The following DOK6 variants were observed in gnomAD, a reference collection of about 807,000 sequenced individuals.
The protein encoded by DOK6 is downstream of tyrosine kinase 6.
A neutral mutation model predicts 44.0 loss-of-function variants in DOK6; 22 were observed. That is an observed-to-expected ratio of 0.50 (90% CI 0.36 to 0.71). The LOEUF (loss-of-function observed/expected upper bound fraction) is 0.71, where lower values mean the gene tolerates loss of function less well. Among genes scored for constraint, DOK6 ranks in the 30% least tolerant of loss-of-function variants. DOK6 has a pLI of 0.00. For synonymous variants in DOK6, 166 were observed against 145.5 expected (o/e 1.14, Z -1.01); for missense variants, 340 against 416.4 (o/e 0.82, Z 1.60).
intron 7 of DOK6, among the ~76,000 whole-genome samples, chr18:69,782,682 T>C (rs1015322609): frequency 1.3e-5 from 2 of 152,112 alleles, no homozygotes; most frequent in Non-Finnish European, 1.5e-5. Flanking sequence ...GAGAATCGCT[T>C]GAACCCAGGA....
chr18:69,798,738 AATT>A (rs946219176), intron 7 of DOK6, among the ~76,000 whole-genome samples: 6 of 151,380 alleles, frequency 4.0e-5, no homozygotes, highest in Admixed American at 6.6e-5. Context: ...GTTATTTTAA[AATT>A]ATTATTATTA....
Position 69,586,592 on chromosome 18 carries a change from C to T in DOK6, c.175-12792C>T, listed in dbSNP as rs145888558. ...GACCTCTTCTGCAGGTGGATGTCCC[C>T]GGACCCTACTGGCTAGTTTCCCAGT... On this transcript the variant is annotated intron_variant, in intron 2 of 7. Transcript: ENST00000382713. Among the ~76,000 whole-genome samples the T allele has an allele frequency of 1.6e-4, 25 of 152,330 alleles. No individual in the cohort carries two copies. The East Asian group carries it at 4.4e-3, about 27-fold the overall frequency.
chr18:69,586,255 A>G (rs1363855809), intron 2 of DOK6, among the ~76,000 whole-genome samples: 1 of 152,160 alleles, frequency 6.6e-6, no homozygotes, highest in Non-Finnish European at 1.5e-5. Flanking sequence ...GTTTATGATG[A>G]TAGACCACAG....
At chr18:69,570,613 T>G (rs1475694751) in intron 2 of DOK6, among the ~76,000 whole-genome samples, 1 of 152,082 alleles carries the variant, frequency 6.6e-6, no homozygotes, top group Non-Finnish European at 1.5e-5. Flanking sequence ...GCAGGATGTT[T>G]GGAAAAAGAA....
intron 1 of DOK6, among the ~76,000 whole-genome samples, chr18:69,523,833 TTAAAG>T (rs1412057277): frequency 1.3e-5 from 2 of 151,956 alleles, no homozygotes; most frequent in Non-Finnish European, 2.9e-5. Flanking sequence ...TCTCTTTTAC[TTAAAG>T]TAATGGTTAC....
rs575843731 is a variant in DOK6 at position 69,404,807 on chromosome 18, G to T, written c.66+3497G>T. Among the ~76,000 whole-genome samples the T allele has an allele frequency of 6.6e-5, 10 of 151,642 alleles. No individual in the cohort carries two copies. The South Asian group carries it at 2.1e-3, about 31-fold the overall frequency. On this transcript the variant is annotated intron_variant, in intron 1 of 7. Coordinates refer to ENST00000382713, the MANE Select transcript of DOK6 (RefSeq NM_152721.6). Reference sequence around the variant, plus strand: ...GGGTGGTGTGTGTGTGTGTGTGTGTGTGTGTGTATTCAGGTACACACTCAA... The same window carrying T: ...GGGTGGTGTGTGTGTGTGTGTGTGTTTGTGTGTATTCAGGTACACACTCAA...
At chr18:69,557,509 C>T (rs575762254) in intron 1 of DOK6, among the ~76,000 whole-genome samples, 8 of 152,124 alleles carry the variant, frequency 5.3e-5, no homozygotes, top group African/African-American at 1.7e-4. Context: ...GATTGCTATG[C>T]GGTAAAATGG....
Position 69,531,838 on chromosome 18 carries a change from C to T in DOK6, c.67-32649C>T, listed in dbSNP as rs546481851. On this transcript the variant is annotated intron_variant, in intron 1 of 7. Transcript: ENST00000382713. Reference sequence around the variant, plus strand: ...CATTTTCATGAAAATTTAAAAATGCCGAAGAGCCCTGTTATGGACTGAGTG... The same window carrying T: ...CATTTTCATGAAAATTTAAAAATGCTGAAGAGCCCTGTTATGGACTGAGTG... 7.9e-5 allele frequency among the ~76,000 whole-genome samples: 12 copies of T among 151,982 alleles called. No individual in the cohort carries two copies. In the South Asian group the frequency reaches 1.7e-3, roughly 21 times the overall value.
At position 69,612,562 on chromosome 18, in the gene DOK6, A is replaced by G. The variant is rs185385978; in HGVS notation, c.289+13064A>G. On this transcript the variant is annotated intron_variant, in intron 3 of 7. Transcript: ENST00000382713. ...AACACCTCACCCAACCGACTCCTACATTTCCTTCCATTTTCAGCGTAAGGT... is the reference window on the plus strand; with the variant it reads ...AACACCTCACCCAACCGACTCCTACGTTTCCTTCCATTTTCAGCGTAAGGT... Among the ~76,000 whole-genome samples the G allele has an allele frequency of 5.4e-3, 795 of 147,588 alleles. 3 individuals carry two copies. Among genetic ancestry groups the G allele is most frequent in the Non-Finnish European group, 9.4e-3 (626 of 66,652 alleles).
intron 7 of DOK6, among the ~76,000 whole-genome samples, chr18:69,763,330 A>G (rs541113371): frequency 2.2e-4 from 34 of 152,290 alleles, no homozygotes; most frequent in African/African-American, 8.2e-4. Context: ...TTTGTATTTG[A>G]AAGTAATTTC....
chr18:69,663,117 A>G (rs1029584668), intron 3 of DOK6: 2 of 152,220 alleles, frequency 1.3e-5, no homozygotes, highest in Non-Finnish European at 2.9e-5. Flanking sequence ...AACCTTAGGG[A>G]TATAGTTAAA....
At chr18:69,769,535 T>C (rs1282011533) in intron 7 of DOK6, among the ~76,000 whole-genome samples, 1 of 152,130 alleles carries the variant, frequency 6.6e-6, no homozygotes, top group Non-Finnish European at 1.5e-5. Context: ...TTAAAAATTG[T>C]CCAAACTTCT....
chr18:69,484,251 T>C (rs919984691), intron 1 of DOK6, among the ~76,000 whole-genome samples: 7 of 152,104 alleles, frequency 4.6e-5, no homozygotes, highest in Admixed American at 1.3e-4. Context: ...ATGTAATACG[T>C]ATATGTCTTT....
chr18:69,616,589 T>C (rs966951569), intron 3 of DOK6, among the ~76,000 whole-genome samples: 1 of 152,022 alleles, frequency 6.6e-6, no homozygotes, highest in Non-Finnish European at 1.5e-5. Flanking sequence ...GAAACTACTT[T>C]TTTAAAAACG....
intron 2 of DOK6, among the ~76,000 whole-genome samples, chr18:69,587,124 T>A (rs556439824): frequency 6.6e-6 from 1 of 152,302 alleles, no homozygotes; most frequent in East Asian, 1.9e-4. Context: ...CTTCTCATAA[T>A]CTGTGTCATT....
intron 7 of DOK6, among the ~76,000 whole-genome samples, chr18:69,818,852 C>T (rs1159991952): frequency 6.6e-6 from 1 of 152,170 alleles, no homozygotes; most frequent in Non-Finnish European, 1.5e-5. Context: ...AGTCATAGCC[C>T]TGGGATTTGG....
chr18:69,737,824 A>G (rs950796140), intron 5 of DOK6, among the ~76,000 whole-genome samples: 11 of 152,100 alleles, frequency 7.2e-5, no homozygotes, highest in African/African-American at 2.7e-4. Flanking sequence ...TGACATAACA[A>G]TTTGTGTCTT....
chr18:69,754,171 A>G (rs950681622), intron 6 of DOK6, among the ~76,000 whole-genome samples: 2 of 151,928 alleles, frequency 1.3e-5, no homozygotes, highest in African/African-American at 4.8e-5. Context: ...GTTTTAATTA[A>G]ATAGTTAAGG....
chr18:69,445,986 T>C (rs2122449634), intron 1 of DOK6, among the ~76,000 whole-genome samples: 1 of 152,292 alleles, frequency 6.6e-6, no homozygotes, highest in East Asian at 1.9e-4. Flanking sequence ...TTGAGTCCTC[T>C]CTTTTTTTCG....
Sources: gnomAD v4.1 joint callset for allele counts (sites outside exome capture counted in the v4.1 genomes callset) on GRCh38, gnomAD v4.1.1 for gene constraint, MANE v1.5 for transcripts, NCBI Gene and HGNC (gene_info 2026-07-23, HGNC 2026-07-21) for gene names.